SPG11: variants seen among roughly 807,000 people sequenced by gnomAD.
SPG11 encodes SPG11 vesicle trafficking associated, spatacsin.
A neutral mutation model predicts 274.0 loss-of-function variants in SPG11; 222 were observed. That is an observed-to-expected ratio of 0.81 (90% CI 0.73 to 0.91). SPG11 has a LOEUF of 0.91. SPG11 is among the 40% of genes least tolerant of loss of function. The pLI, the probability that SPG11 is intolerant of heterozygous loss-of-function variation, is 0.00. For synonymous variants in SPG11, 1,144 were observed against 1,039.7 expected, an observed-to-expected ratio of 1.10 and a Z score of -1.93; for missense variants, 3,114 against 2,872.7, an observed-to-expected ratio of 1.08 and a Z score of -1.92.
Position 44,569,445 on chromosome 15 carries a change from G to T in SPG11, c.6538C>A (p.His2180Asn). The T allele has an allele frequency of 6.2e-7, 1 of 1,607,072 alleles. No individual in the cohort carries two copies. The highest frequency in any genetic ancestry group is 8.5e-7 in the Non-Finnish European group (1 of 1,176,196). Residue 2180 changes from histidine to asparagine, a missense_variant, in exon 35 of 40, where the codon CAT becomes AAT. Physicochemically the swap from His to Asn is moderately conservative, Grantham distance 68 (BLOSUM62 1). Transcript: ENST00000261866. ...AGCACTTCAAAGTAGTGCTTTTTAT[G>T]CAGCAAATCAAATATGTATGTCATC... ...NEMTYIFDLL[H>N]KKHYFEVLMR...
At chr15:44,595,982 C>A (rs1231899094) in intron 25 of SPG11, 101 bp downstream of exon 25, 2 of 1,481,680 alleles carry the variant, frequency 1.3e-6, no homozygotes, top group Non-Finnish European at 1.9e-6. Context: ...TGGAACCTCA[C>A]TGTCATCATC....
chr15:44,621,070 C>T (rs1400887193), intron 14 of SPG11: 2 of 153,202 alleles, frequency 1.3e-5, no homozygotes, highest in Non-Finnish European at 2.9e-5. Context: ...AACTCCTGGC[C>T]TCAAGCAATC....
In SPG11 at chr15:44,626,582, A is replaced by AT. The variant is rs1222049742; in HGVS notation, c.2068-76dup. 7 of 1,447,114 alleles carry AT rather than the reference A, an allele frequency of 4.8e-6. No homozygotes were observed. The Admixed American group carries it at 7.3e-5, about 15-fold the overall frequency. 89.6% of individuals were successfully genotyped at this position (1,447,114 alleles called of 1,614,324 possible). A position where few individuals can be genotyped will look rare whatever the true frequency, so the allele number is the denominator to read the frequency against. ...TATGATTATCAACATGGGATTATAC[A>AT]TTTATGTAACATCTAACAAAGGAAC... is the stretch of plus-strand genomic sequence containing the variant. On this transcript the variant is annotated intron_variant, in intron 10 of 39. Coordinates refer to ENST00000261866, the MANE Select transcript of SPG11 (RefSeq NM_025137.4).
chr15:44,568,307 T>G (rs2082349602), intron 35 of SPG11, among the ~76,000 whole-genome samples: 1 of 152,244 alleles, frequency 6.6e-6, no homozygotes, highest in South Asian at 2.1e-4. Context: ...AAAAACAGTT[T>G]TAAAAACCCT....
intron 10 of SPG11, among the ~76,000 whole-genome samples, chr15:44,628,463 C>A (rs954722497): frequency 1.3e-5 from 2 of 152,128 alleles, no homozygotes. Context: ...TAAGAGGGAG[C>A]CTACCCTTAT....
intron 4 of SPG11, among the ~76,000 whole-genome samples, chr15:44,652,964 T>G (rs868310612): frequency 1.3e-5 from 2 of 152,098 alleles, no homozygotes; most frequent in Non-Finnish European, 2.9e-5. Flanking sequence ...AAAGTAAGAT[T>G]TAGGCTGCGA....
chr15:44,573,907 CCTTT>C (rs1367805517), intron 31 of SPG11, 162 bp from the exon 32 acceptor site: 3 of 671,724 alleles, frequency 4.5e-6, no homozygotes, highest in Non-Finnish European at 5.2e-6. Context: ...GTTTTCTAAC[CCTTT>C]CTATCATTTC....
chr15:44,589,160 G>A, intron 28 of SPG11, 92 bp downstream of exon 28: 2 of 1,300,814 alleles, frequency 1.5e-6, no homozygotes, highest in Admixed American at 1.7e-5. Context: ...AATGTTACAT[G>A]CATTTTAATT....
chr15:44,621,940 A>T lies in SPG11; in HGVS notation c.2445-6T>A. ...CTTGTTCCTTTATCCAGTACCTAAAAACAGTGATATAAATTTTTTTTTTTT... is the reference window on the plus strand; with the variant it reads ...CTTGTTCCTTTATCCAGTACCTAAATACAGTGATATAAATTTTTTTTTTTT... On this transcript the variant is annotated splice_region_variant and splice_polypyrimidine_tract_variant and intron_variant, in intron 13 of 39. Coordinates refer to ENST00000261866, the MANE Select transcript of SPG11 (RefSeq NM_025137.4). 6.2e-7 allele frequency: 1 copy of T among 1,604,084 alleles called. No individual in the cohort carries two copies. Among genetic ancestry groups the T allele is most frequent in the South Asian group, 1.1e-5 (1 of 88,536 alleles).
chr15:44,588,780 T>A, intron 28 of SPG11: 2 of 293,852 alleles, frequency 6.8e-6, no homozygotes, highest in Non-Finnish European at 1.4e-5. Flanking sequence ...ATCGGCAATG[T>A]TAATTACCGT....
rs1408968445 is a variant in SPG11 at position 44,589,428 on chromosome 15, A to G, written c.4744-14T>C. ...TGCTGTGTTAAGCTATGAAAGAAAA[A>G]GAGAAGCTTAGGGAAAGCAGTTTCA... On this transcript the variant is annotated splice_polypyrimidine_tract_variant and intron_variant, in intron 27 of 39. Coordinates refer to ENST00000261866, the MANE Select transcript of SPG11 (RefSeq NM_025137.4). 2.5e-6 allele frequency: 4 copies of G among 1,613,990 alleles called. No individual in the cohort carries two copies. The highest frequency in any genetic ancestry group is 2.2e-5 in the East Asian group (1 of 44,878).
intron 7 of SPG11, among the ~76,000 whole-genome samples, chr15:44,646,683 G>A (rs377747025): frequency 2.0e-5 from 3 of 152,256 alleles, no homozygotes; most frequent in Admixed American, 6.5e-5. Flanking sequence ...GCAGCAACAC[G>A]GATGGAGCTA....
chr15:44,619,535 T>C (rs1322793758), intron 15 of SPG11, among the ~76,000 whole-genome samples: 2 of 152,148 alleles, frequency 1.3e-5, no homozygotes, highest in Non-Finnish European at 2.9e-5. Context: ...ACAACACACA[T>C]GTAGTGATAT....
chr15:44,606,106 A>G lies in SPG11; in HGVS notation c.3454-15T>C. ...GGTGATAATGACTGAAAAAGGGGAA[A>G]AGTTAAACAGAATTAGAAGTTCACT... is the stretch of plus-strand genomic sequence containing the variant. On this transcript the variant is annotated splice_polypyrimidine_tract_variant and intron_variant, in intron 19 of 39. Coordinates refer to ENST00000261866, the MANE Select transcript of SPG11 (RefSeq NM_025137.4). The G allele has an allele frequency of 6.2e-7, 1 of 1,612,500 alleles. No individual in the cohort carries two copies. The highest frequency in any genetic ancestry group is 1.7e-4 in the Middle Eastern group (1 of 6,058).
intron 30 of SPG11, among the ~76,000 whole-genome samples, chr15:44,583,415 A>G (rs1335386591): frequency 1.2e-4 from 19 of 152,080 alleles, no homozygotes; most frequent in Admixed American, 1.2e-3. Context: ...CTGAGACCAC[A>G]CCATTGCACT....
intron 12 of SPG11, 22 bp from the exon 13 acceptor site, chr15:44,622,369 G>C (rs2083778061): frequency 2.0e-6 from 3 of 1,512,990 alleles, no homozygotes; most frequent in Non-Finnish European, 2.7e-6. Context: ...AGTAATTAAA[G>C]CAGTGACTTT....
At chr15:44,604,021 G>C (rs1159219001) in intron 20 of SPG11, 1 of 300,752 alleles carries the variant, frequency 3.3e-6, no homozygotes, top group Non-Finnish European at 6.7e-6. Context: ...CTATTCAATT[G>C]TCTCTTAACC....
chr15:44,587,769 AAC>A (rs1027411942), intron 28 of SPG11, among the ~76,000 whole-genome samples: 1 of 151,828 alleles, frequency 6.6e-6, no homozygotes, highest in African/African-American at 2.4e-5. Context: ...CACACATAGT[AAC>A]ACAATTTCTA....
At chr15:44,568,932 G>T (rs2082361040) in intron 35 of SPG11, among the ~76,000 whole-genome samples, 2 of 152,124 alleles carry the variant, frequency 1.3e-5, no homozygotes, top group Admixed American at 6.6e-5. Flanking sequence ...AGCATTTTGG[G>T]AGGCTGAGAT....
Sources: allele counts gnomAD v4.1 joint callset (sites outside exome capture counted in the v4.1 genomes callset), GRCh38; gene constraint gnomAD v4.1.1; transcripts MANE v1.5; gene names NCBI Gene and HGNC (gene_info 2026-07-23, HGNC 2026-07-21).